The following ATP8A2 variants were observed in gnomAD, a reference collection of about 807,000 sequenced individuals.
ATP8A2 encodes the protein phospholipid-transporting ATPase IB.
In ATP8A2, 100 loss-of-function variants were observed where a neutral mutation model predicts 165.6. The ratio of observed to expected loss-of-function variants is 0.60; its 90% CI spans 0.51 to 0.71. ATP8A2 has a LOEUF of 0.71. ATP8A2 is among the 30% of genes least tolerant of loss of function. ATP8A2 has a pLI of 0.00. For missense variants in ATP8A2, 1,227 were observed against 1,479.5 expected (o/e 0.83, Z 2.80); for synonymous variants, 543 against 548.8 (o/e 0.99, Z 0.15).
chr13:25,424,164 G>A (rs1226586869), intron 1 of ATP8A2, among the ~76,000 whole-genome samples: 2 of 152,206 alleles, frequency 1.3e-5, no homozygotes, highest in African/African-American at 4.8e-5. Context: ...AACCTCTTCT[G>A]TGGGCCCAGC....
rs142753874 is a variant in ATP8A2, at chr13:25,614,577, C to T, written c.2211+24878C>T. The stretch of plus-strand genomic sequence containing the variant: ...ATCTTTTGGAGGTGTTAAAGGACAT[C>T]GTTTTGTCATATTACCTGAACTATT... On this transcript the variant is annotated intron_variant, in intron 24 of 36. Transcript: ENST00000381655. Among the ~76,000 whole-genome samples, 209 of 152,170 alleles carry T rather than the reference C, an allele frequency of 1.4e-3. 4 individuals are homozygous for T. The highest frequency in any genetic ancestry group is 1.9e-4 in the Non-Finnish European group (13 of 68,022).
At chr13:25,830,273 A>T (rs1951429011) in intron 28 of ATP8A2, among the ~76,000 whole-genome samples, 1 of 152,106 alleles carries the variant, frequency 6.6e-6, no homozygotes, top group Non-Finnish European at 1.5e-5. Flanking sequence ...TAGGCCTCCC[A>T]AAGTGGTAGG....
chr13:25,986,617 G>A (rs746743938), intron 35 of ATP8A2, among the ~76,000 whole-genome samples: 24 of 152,150 alleles, frequency 1.6e-4, no homozygotes, highest in Admixed American at 9.2e-4. Flanking sequence ...TGATGGACAC[G>A]TAGGTTGATT....
At chr13:25,397,037 G>T (rs966695314) in intron 1 of ATP8A2, among the ~76,000 whole-genome samples, 2 of 152,166 alleles carry the variant, frequency 1.3e-5, no homozygotes, top group Admixed American at 1.3e-4. Context: ...GTGCCCCTTG[G>T]TGGGGGTGGG....
intron 30 of ATP8A2, among the ~76,000 whole-genome samples, chr13:25,845,289 A>C (rs1951833206): frequency 6.6e-6 from 1 of 152,214 alleles, no homozygotes; most frequent in South Asian, 2.1e-4. Context: ...TCCAGTCGGC[A>C]GAGTTGAGCA....
intron 27 of ATP8A2, among the ~76,000 whole-genome samples, chr13:25,781,704 C>G (rs895554990): frequency 6.6e-6 from 1 of 152,092 alleles, no homozygotes; most frequent in Non-Finnish European, 1.5e-5. Context: ...GTTGGACAGG[C>G]TGGTCTCAAA....
At chr13:25,836,605 C>T (rs1048788999) in intron 28 of ATP8A2, among the ~76,000 whole-genome samples, 5 of 152,172 alleles carry the variant, frequency 3.3e-5, no homozygotes, top group Non-Finnish European at 5.9e-5. Flanking sequence ...CTGCCCTCCT[C>T]CACTTCTGCA....
At chr13:25,840,702 T>C (rs1324686680) in intron 30 of ATP8A2, among the ~76,000 whole-genome samples, 1 of 152,222 alleles carries the variant, frequency 6.6e-6, no homozygotes, top group Non-Finnish European at 1.5e-5. Context: ...TTTAAAATGG[T>C]TTTATAAATA....
At chr13:25,610,250 C>G (rs1306094338) in intron 24 of ATP8A2, among the ~76,000 whole-genome samples, 1 of 152,082 alleles carries the variant, frequency 6.6e-6, no homozygotes, top group African/African-American at 2.4e-5. Flanking sequence ...GGTTTCAGGT[C>G]TTACATTTAA....
intron 15 of ATP8A2, among the ~76,000 whole-genome samples, chr13:25,560,497 C>G (rs59597875): frequency 6.6e-6 from 1 of 151,800 alleles, no homozygotes; most frequent in Admixed American, 6.6e-5. Flanking sequence ...GTCAGGAGTT[C>G]GAGACCAGCC....
In ATP8A2 at chr13:25,602,645, G is replaced by A. The variant is rs547340564; in HGVS notation, c.2211+12946G>A. ...GCATTTGAGCAGTGTGTGGCTGGAG[G>A]GGAGAGTGAAGAGGGAGCCAGAGAG... On this transcript the variant is annotated intron_variant, in intron 24 of 36. Coordinates refer to ENST00000381655, the MANE Select transcript of ATP8A2 (RefSeq NM_016529.6). Among the ~76,000 whole-genome samples, 6 of 152,328 alleles carry A rather than the reference G, an allele frequency of 3.9e-5. No individual in the cohort carries two copies. The East Asian group carries it at 9.7e-4, about 25-fold the overall frequency.
intron 24 of ATP8A2, among the ~76,000 whole-genome samples, chr13:25,691,561 C>T (rs2042726309): frequency 6.6e-6 from 1 of 152,134 alleles, no homozygotes; most frequent in Non-Finnish European, 1.5e-5. Flanking sequence ...CCTGAGGGTA[C>T]CAGACTGGCA....
intron 2 of ATP8A2, among the ~76,000 whole-genome samples, chr13:25,487,054 G>T (rs1042959946): frequency 9.2e-5 from 14 of 152,186 alleles, no homozygotes; most frequent in African/African-American, 3.4e-4. Flanking sequence ...TATCTGCTTA[G>T]TAAGACTTGA....
intron 1 of ATP8A2, among the ~76,000 whole-genome samples, chr13:25,402,243 T>C (rs751572037): frequency 6.6e-6 from 1 of 152,306 alleles, no homozygotes. Flanking sequence ...TTAAAACTTA[T>C]GAGTTGTTTA....
At chr13:25,773,939 G>A (rs1463424668) in intron 26 of ATP8A2, among the ~76,000 whole-genome samples, 2 of 152,144 alleles carry the variant, frequency 1.3e-5, no homozygotes, top group East Asian at 3.9e-4. Flanking sequence ...AGTTGTTAGT[G>A]GAAGTAGTGT....
Position 25,987,387 on chromosome 13 carries a change from T to C in ATP8A2, c.3377+18708T>C, listed in dbSNP as rs140565517. 6.4e-3 allele frequency among the ~76,000 whole-genome samples: 971 copies of C among 152,348 alleles called. 5 individuals are homozygous for C. Among genetic ancestry groups the C allele is most frequent in the Middle Eastern group, 0.027 (8 of 294 alleles). On this transcript the variant is annotated intron_variant, in intron 35 of 36. Transcript: ENST00000381655. The stretch of plus-strand genomic sequence containing the variant: ...AGCCAGTCATCTTATTTTGAAGTTT[T>C]AAAAGAAAGGGTTTGCCAGAAATAC...
At chr13:25,673,692 G>A (rs2042312976) in intron 24 of ATP8A2, among the ~76,000 whole-genome samples, 1 of 152,106 alleles carries the variant, frequency 6.6e-6, no homozygotes, top group Non-Finnish European at 1.5e-5. Flanking sequence ...ACAGCTATTG[G>A]TGCGTAGGAA....
At chr13:25,932,433 A>G (rs1236413024) in intron 33 of ATP8A2, among the ~76,000 whole-genome samples, 1 of 152,170 alleles carries the variant, frequency 6.6e-6, no homozygotes, top group African/African-American at 2.4e-5. Context: ...ATAAACAGGA[A>G]AATTTCCCTC....
At position 25,886,054 on chromosome 13, in the gene ATP8A2, T is replaced by G. The variant is rs139461728; in HGVS notation, c.3183+23646T>G. On this transcript the variant is annotated intron_variant, in intron 33 of 36. Coordinates refer to ENST00000381655, the MANE Select transcript of ATP8A2 (RefSeq NM_016529.6). The stretch of plus-strand genomic sequence containing the variant: ...CAAGAGGCAGATGTTGTACTTCTGC[T>G]GATGCTCCACTGTATTCAAGCTGCA... Among the ~76,000 whole-genome samples the G allele has an allele frequency of 9.8e-5, 15 of 152,354 alleles. No individual in the cohort carries two copies. The East Asian group carries it at 2.9e-3, about 29-fold the overall frequency.
Sources: gnomAD v4.1 joint callset for allele counts (sites outside exome capture counted in the v4.1 genomes callset) on GRCh38, gnomAD v4.1.1 for gene constraint, MANE v1.5 for transcripts, NCBI Gene and HGNC (gene_info 2026-07-23, HGNC 2026-07-21) for gene names.